The following SF1 variants were observed in gnomAD, a reference collection of about 807,000 sequenced individuals.
The protein encoded by SF1 is splicing factor 1.
A neutral mutation model predicts 62.5 loss-of-function variants in SF1; 7 were observed. That is an observed-to-expected ratio of 0.11 (90% confidence interval 0.06 to 0.21). The LOEUF is 0.21. Ranked by LOEUF, SF1 falls within the 10% of genes least tolerant of loss-of-function variation. SF1 has a pLI of 1.00. For missense variants in SF1, 578 were observed against 884.0 expected (o/e 0.65, Z 4.39); for synonymous variants, 394 against 323.6 (o/e 1.22, Z -2.33).
At position 64,769,097 on chromosome 11, in the gene SF1, C is replaced by T. The variant is rs1171896564; in HGVS notation, c.812G>A (p.Arg271His). The T allele has an allele frequency of 1.2e-6, 2 of 1,614,084 alleles. No homozygotes were observed. Among genetic ancestry groups the T allele is most frequent in the East Asian group, 4.5e-5 (2 of 44,890 alleles). Reference protein sequence around the residue: ...ILRPWQSSETRSITNTTVCTK... With the variant: ...ILRPWQSSETHSITNTTVCTK... ...ACACACTGTGGTGTTGGTAATGCTGCGGGTCTCTGAGCTCTGCCAGGGTCT... is the reference window on the plus strand; with the variant it reads ...ACACACTGTGGTGTTGGTAATGCTGTGGGTCTCTGAGCTCTGCCAGGGTCT... Residue 271 changes from arginine (R) to histidine (H), a missense_variant, in exon 8 of 13, where the codon CGC (arginine) becomes CAC (histidine). Physicochemically the swap from Arg to His is conservative, Grantham distance 29. Transcript: ENST00000377390.
intron 1 of SF1, chr11:64,778,091 GGCT>G (rs1939672029): frequency 2.1e-6 from 2 of 942,508 alleles, no homozygotes; most frequent in African/African-American, 1.8e-5. Flanking sequence ...CGGAGGGGGC[GGCT>G]GCGGCGGCGG....
At chr11:64,773,623 T>G in intron 2 of SF1, 118 bp from the exon 3 acceptor site, 1 of 1,182,636 alleles carries the variant, frequency 8.5e-7, no homozygotes, top group Non-Finnish European at 1.2e-6. Flanking sequence ...AAGGGACGAC[T>G]GATCAGTGAA....
rs2058530916 is a variant in SF1 at position 64,764,814 on chromosome 11, C to A, written c.*1004G>T. On this transcript the variant is annotated 3_prime_UTR_variant, in exon 13 of 13. Transcript: ENST00000377390. Reference sequence around the variant, plus strand: ...AATGAACAAGGGGCTCAAACCCCTACACACTGCAAAACATTCAGACATTTG... The same window carrying A: ...AATGAACAAGGGGCTCAAACCCCTAAACACTGCAAAACATTCAGACATTTG... 1 of 152,588 alleles carries A rather than the reference C, an allele frequency of 6.6e-6. No individual in the cohort carries two copies. The highest frequency in any genetic ancestry group is 1.5e-5 in the Non-Finnish European group (1 of 68,180). The allele number at this position is 152,588 out of a possible 1,614,324, so 9.5% of individuals were successfully genotyped here. A position where few individuals can be genotyped will look rare whatever the true frequency, so the allele number is the denominator to read the frequency against.
Position 64,765,575 on chromosome 11 carries a change from A to G in SF1, c.*243T>C, listed in dbSNP as rs1209213413. On this transcript the variant is annotated 3_prime_UTR_variant, in exon 13 of 13. Coordinates refer to ENST00000377390, the MANE Select transcript of SF1 (RefSeq NM_004630.4). The stretch of plus-strand genomic sequence containing the variant: ...AGTTGGGTGAGGAGAGAAAGAAGAC[A>G]AAGAAGACACTCGATGCTACGGGGC... 1 of 1,553,926 alleles carries G rather than the reference A, an allele frequency of 6.4e-7. No individual in the cohort carries two copies. The highest frequency in any genetic ancestry group is 8.7e-7 in the Non-Finnish European group (1 of 1,154,312).
At chr11:64,766,237 AGGGG>A in intron 12 of SF1, 82 bp from the exon 13 acceptor site, 2 of 626,780 alleles carry the variant, frequency 3.2e-6, no homozygotes, top group Admixed American at 3.1e-5. Flanking sequence ...GATGGGGGCG[AGGGG>A]CGCCTGCTCC....
At chr11:64,766,392 G>C (rs1190438103) in intron 12 of SF1, 3 of 577,774 alleles carry the variant, frequency 5.2e-6, no homozygotes, top group African/African-American at 3.8e-5. Context: ...CAATGCCCCT[G>C]GAAGGGCTGA....
intron 2 of SF1, 123 bp from the exon 3 acceptor site, chr11:64,773,628 A>G: frequency 8.8e-7 from 1 of 1,134,368 alleles, no homozygotes; most frequent in Non-Finnish European, 1.2e-6. Flanking sequence ...ACGACTGATC[A>G]GTGAACACAT....
In SF1 at chr11:64,778,524, G is replaced by T. The variant is rs1939797803; in HGVS notation, c.-132C>A. The T allele has an allele frequency of 1.7e-6, 2 of 1,203,512 alleles. No individual in the cohort carries two copies. The highest frequency in any genetic ancestry group is 3.2e-5 in the African/African-American group (2 of 63,074). The allele number at this position is 1,203,512 out of a possible 1,614,324, so 74.6% of individuals were successfully genotyped here. A position where few individuals can be genotyped will look rare whatever the true frequency, so the allele number is the denominator to read the frequency against. ...AGCCCGTCCTCTCACGCGGCGGGCG[G>T]CGGCGGCGCGAGACGCACAAAGAGG... On this transcript the variant is annotated 5_prime_UTR_variant, in exon 1 of 13. Transcript: ENST00000377390.
rs953289125 is a variant in SF1 at position 64,767,899 on chromosome 11, T to C, written c.1069-55A>G. On this transcript the variant is annotated intron_variant, in intron 9 of 12. Transcript: ENST00000377390. The stretch of plus-strand genomic sequence containing the variant: ...CTGCCTGCGCCTCCTAGTGGCAACA[T>C]TGTTCTTCGGGTTATGACACAGGAC... 3.8e-6 allele frequency: 6 copies of C among 1,587,312 alleles called. No homozygotes were observed. In the East Asian group the frequency reaches 1.1e-4, roughly 30 times the overall value.
At chr11:64,775,222 C>T (rs1370887102) in intron 2 of SF1, among the ~76,000 whole-genome samples, 1 of 152,150 alleles carries the variant, frequency 6.6e-6, no homozygotes, top group Non-Finnish European at 1.5e-5. Context: ...GAGAACTACA[C>T]CTCTCCTTTG....
At chr11:64,766,671 C>T in intron 12 of SF1, 2 of 450,640 alleles carry the variant, frequency 4.4e-6, no homozygotes, top group East Asian at 6.9e-5. Flanking sequence ...TAGCAGGCTC[C>T]CCTCCAGGCC....
intron 4 of SF1, 67 bp downstream of exon 4, chr11:64,770,189 C>T: frequency 1.3e-6 from 2 of 1,578,080 alleles, no homozygotes; most frequent in Non-Finnish European, 1.7e-6. Flanking sequence ...CAATACTGTC[C>T]CATCCCAGCA....
chr11:64,776,668 AG>A, intron 1 of SF1, 42 bp from the exon 2 acceptor site: 1 of 1,592,170 alleles, frequency 6.3e-7, no homozygotes, highest in Admixed American at 1.8e-5. Context: ...AAATACAAGT[AG>A]TTATCAACAG....
chr11:64,777,780 G>A (rs1387213284), intron 1 of SF1: 2 of 450,574 alleles, frequency 4.4e-6, no homozygotes, highest in Non-Finnish European at 5.6e-6. Context: ...AGCGCCTCCC[G>A]CCCGCCCAGC....
At position 64,765,874 on chromosome 11, in the gene SF1, C is replaced by T. The variant is rs1171974048; in HGVS notation, c.1864G>A (p.Gly622Ser). 2.6e-6 allele frequency: 4 copies of T among 1,563,344 alleles called. No individual in the cohort carries two copies. The highest frequency in any genetic ancestry group is 3.5e-6 in the Non-Finnish European group (4 of 1,154,360). The change falls in exon 13 of 13, where the codon GGC (glycine) becomes AGC (serine). Residue 622 changes from glycine to serine, a missense_variant. By Grantham distance (56) the Gly-to-Ser change is moderately conservative. Around this residue, in one of 7 missense-constraint regions of SF1, gnomAD observed 410 missense variants for 452.4 expected, o/e 0.91. Transcript: ENST00000377390. Reference protein sequence around the residue: ...FVTMMGMGVAGMPPFGMPPAP... With the variant: ...FVTMMGMGVASMPPFGMPPAP... ...GGAGGCATCCCGAAGGGCGGCATGCCCGCCACCCCCATGCCCATCATGGTG... is the reference window on the plus strand; with the variant it reads ...GGAGGCATCCCGAAGGGCGGCATGCTCGCCACCCCCATGCCCATCATGGTG...
rs892430743 is a variant in SF1 at position 64,769,190 on chromosome 11, G to T, written c.779+33C>A. 9.3e-6 allele frequency: 15 copies of T among 1,609,322 alleles called. No homozygotes were observed. In the South Asian group the frequency reaches 1.6e-4, roughly 18 times the overall value. On this transcript the variant is annotated intron_variant, in intron 7 of 12. Transcript: ENST00000377390. ...ATCTCTACTTCCATAGGTTCTTCAG[G>T]TCTCTACACTCTCCTTTAAACTGAT...
chr11:64,774,988 G>A (rs562605136), intron 2 of SF1, among the ~76,000 whole-genome samples: 1 of 151,896 alleles, frequency 6.6e-6, no homozygotes, highest in South Asian at 2.1e-4. Flanking sequence ...AGATATTGAG[G>A]GCATCCTGGA....
chr11:64,768,302 G>T lies in SF1; in HGVS notation c.888-16C>A, dbSNP rs1464237406. 1.9e-6 allele frequency: 3 copies of T among 1,608,684 alleles called. No homozygotes were observed. The African/African-American group carries it at 4.0e-5, about 22-fold the overall frequency. ...ATCACCAGGCCTGAAGTGGGGTGGGGGACACAAACAGAGAAAGGGGAAAAA... is the reference window on the plus strand; with the variant it reads ...ATCACCAGGCCTGAAGTGGGGTGGGTGACACAAACAGAGAAAGGGGAAAAA... On this transcript the variant is annotated splice_polypyrimidine_tract_variant and intron_variant, in intron 8 of 12. Coordinates refer to ENST00000377390, the MANE Select transcript of SF1 (RefSeq NM_004630.4).
intron 1 of SF1, chr11:64,778,031 G>A (rs1006057016): frequency 2.5e-5 from 25 of 1,009,160 alleles, no homozygotes; most frequent in Non-Finnish European, 3.0e-5. Context: ...CTTACGCGGC[G>A]GCTGGGGTGG....
Sources: allele counts gnomAD v4.1 joint callset (sites outside exome capture counted in the v4.1 genomes callset), GRCh38; gene constraint gnomAD v4.1.1; regional missense constraint gnomAD v4.1.1; transcripts MANE v1.5; gene names NCBI Gene and HGNC (gene_info 2026-07-23, HGNC 2026-07-21).